Variants in RAD54L2 observed in about 807,000 individuals in gnomAD.
The protein encoded by RAD54L2 is helicase ARIP4.
RAD54L2 carries 27 observed loss-of-function variants against 138.4 expected under a neutral mutation model. The ratio of observed to expected loss-of-function variants is 0.20; its 90% confidence interval spans 0.14 to 0.27. The LOEUF is 0.27. Ranked by LOEUF, RAD54L2 falls within the 10% of genes least tolerant of loss-of-function variation. The pLI is 1.00. For missense variants in RAD54L2, 1,396 were observed against 1,890.2 expected (o/e 0.74, Z 4.85); for synonymous variants, 644 against 723.2 (o/e 0.89, Z 1.76).
chr3:51,589,274 T>C (rs1225849230), intron 2 of RAD54L2, among the ~76,000 whole-genome samples: 4 of 152,196 alleles, frequency 2.6e-5, no homozygotes, highest in African/African-American at 9.7e-5. Flanking sequence ...TATGTGCCTG[T>C]CGTCCTAGCT....
chr3:51,645,207 G>A lies in RAD54L2; in HGVS notation c.2634G>A (p.Gln878=). Residue 878 remains glutamine (Q), a synonymous_variant, in exon 17 of 23, where the codon CAG becomes CAA. Coordinates refer to ENST00000684192, the MANE Select transcript of RAD54L2 (RefSeq NM_015106.4). This position sits in a 1 kb window ranked among gnomAD's most constrained non-coding sequence, Gnocchi z 6.1. ...TAGAAAAGAAGATCTATGACCGTCA[G>A]ATTTCCAAGCAGGGCATGTCAGGTG... ...YTLEKKIYDR[Q]ISKQGMSDRV... 1 of 1,612,968 alleles carries A rather than the reference G, an allele frequency of 6.2e-7. No homozygotes were observed. The highest frequency in any genetic ancestry group is 1.3e-5 in the African/African-American group (1 of 75,036).
intron 3 of RAD54L2, among the ~76,000 whole-genome samples, chr3:51,608,913 G>A (rs987067577): frequency 2.0e-5 from 3 of 152,024 alleles, no homozygotes; most frequent in Non-Finnish European, 2.9e-5. Context: ...ATTTTGAGAC[G>A]GTAGTCTAGC....
At chr3:51,564,318 ATTC>A (rs990212758) in intron 2 of RAD54L2, among the ~76,000 whole-genome samples, 3 of 152,196 alleles carry the variant, frequency 2.0e-5, no homozygotes, top group Non-Finnish European at 4.4e-5. Flanking sequence ...TTTCTTTTCT[ATTC>A]TTCTCTTAAA....
Position 51,588,534 on chromosome 3 carries a change from CAAAAAAAAAA to C in RAD54L2, c.-54-1822_-54-1813del, listed in dbSNP as rs71633079. Among the ~76,000 whole-genome samples, 344 of 49,434 alleles carry C rather than the reference CAAAAAAAAAA, an allele frequency of 7.0e-3. 1 individual carries two copies. The highest frequency in any genetic ancestry group is 0.026 in the Admixed American group (125 of 4,774). The allele number at this position is 49,434 out of a possible 152,430, so 32.4% of individuals were successfully genotyped here. On this transcript the variant is annotated intron_variant, in intron 2 of 22. Transcript: ENST00000684192. ...TGGGTGACAGAGTGAAACTGCATCT[CAAAAAAAAAA>C]AAAAAAAAAAGAAAAGAAAATTTGA...
intron 3 of RAD54L2, among the ~76,000 whole-genome samples, chr3:51,625,028 T>C (rs185138461): frequency 1.1e-3 from 167 of 152,272 alleles, no homozygotes; most frequent in African/African-American, 4.0e-3. Flanking sequence ...CATCAAGACT[T>C]AATGACAGCC....
rs1278393505 is a variant in RAD54L2, at chr3:51,667,769, C to CTAG, written c.*4350_*4352dup. Reference sequence around the variant, plus strand: ...GCTTTTCTGTGCTACTAGCTTAGCCCTAGGCCTTTTATGAATACCTGAGTC... The same window carrying CTAG: ...GCTTTTCTGTGCTACTAGCTTAGCCCTAGTAGGCCTTTTATGAATACCTGAGTC... On this transcript the variant is annotated 3_prime_UTR_variant, in exon 23 of 23. Transcript: ENST00000684192. The CTAG allele has an allele frequency of 5.9e-5, 9 of 152,262 alleles. No individual in the cohort carries two copies. Among genetic ancestry groups the CTAG allele is most frequent in the Admixed American group, 5.9e-4 (9 of 15,288 alleles). The allele number at this position is 152,262 out of a possible 1,614,324, so 9.4% of individuals were successfully genotyped here.
intron 3 of RAD54L2, among the ~76,000 whole-genome samples, chr3:51,598,177 G>GTATATA (rs71084152): frequency 7.8e-4 from 105 of 135,272 alleles, no homozygotes; most frequent in Admixed American, 1.4e-3. Flanking sequence ...GTGTGTGTGT[G>GTATATA]TATATATATA....
At chr3:51,587,739 A>G (rs1243646805) in intron 2 of RAD54L2, among the ~76,000 whole-genome samples, 1 of 152,068 alleles carries the variant, frequency 6.6e-6, no homozygotes, top group East Asian at 1.9e-4. Flanking sequence ...TTTTCTGTTC[A>G]GGAGAAGATA....
At chr3:51,617,103 C>G (rs1700461904) in intron 3 of RAD54L2, among the ~76,000 whole-genome samples, 3 of 152,112 alleles carry the variant, frequency 2.0e-5, no homozygotes, top group African/African-American at 7.2e-5. Context: ...TATGAGTGTA[C>G]TAAAACTTGT....
chr3:51,652,690 A>G (rs1286390871), intron 19 of RAD54L2, among the ~76,000 whole-genome samples: 2 of 152,230 alleles, frequency 1.3e-5, no homozygotes, highest in Non-Finnish European at 1.5e-5. Flanking sequence ...AGGATTCCCT[A>G]TTTAATAAAT....
intron 19 of RAD54L2, among the ~76,000 whole-genome samples, chr3:51,655,536 A>G (rs1171603407): frequency 6.6e-6 from 1 of 152,238 alleles, no homozygotes; most frequent in Non-Finnish European, 1.5e-5. Flanking sequence ...GTGTCGTTAC[A>G]TGGCCCTTTT....
chr3:51,552,874 T>A (rs1698873162), intron 2 of RAD54L2, among the ~76,000 whole-genome samples: 1 of 152,174 alleles, frequency 6.6e-6, no homozygotes, highest in Non-Finnish European at 1.5e-5. Flanking sequence ...ATCAACATTT[T>A]GAATCTTTGT....
At chr3:51,590,745 A>C (rs1427641812) in intron 3 of RAD54L2, among the ~76,000 whole-genome samples, 186 bp downstream of exon 3, 2 of 152,206 alleles carry the variant, frequency 1.3e-5, no homozygotes, top group African/African-American at 4.8e-5. Flanking sequence ...GTTCCTCCAC[A>C]TAAGCTTTGT....
At chr3:51,627,486 G>A (rs1339036235) in intron 3 of RAD54L2, 67 bp from the exon 4 acceptor site, 15 of 1,443,078 alleles carry the variant, frequency 1.0e-5, no homozygotes, top group Non-Finnish European at 1.4e-5. Context: ...GAACCCAGGT[G>A]TGTCTGTCAT....
chr3:51,569,896 G>T (rs1457371771), intron 2 of RAD54L2, among the ~76,000 whole-genome samples: 1 of 152,004 alleles, frequency 6.6e-6, no homozygotes, highest in Non-Finnish European at 1.5e-5. Context: ...GTGCAGTGAT[G>T]TGATCACAAT....
chr3:51,601,450 C>T (rs559230877), intron 3 of RAD54L2, among the ~76,000 whole-genome samples: 37 of 151,726 alleles, frequency 2.4e-4, no homozygotes, highest in Middle Eastern at 3.4e-3. Context: ...TGGGGTTACA[C>T]GCACGTGCCA....
At chr3:51,650,837 AAT>A (rs1165454274) in intron 19 of RAD54L2, among the ~76,000 whole-genome samples, 3 of 152,254 alleles carry the variant, frequency 2.0e-5, no homozygotes, top group Non-Finnish European at 4.4e-5. Flanking sequence ...GAAAGCAGGA[AAT>A]ATCTAAAATC....
chr3:51,593,519 A>G (rs1220453092), intron 3 of RAD54L2, among the ~76,000 whole-genome samples: 3 of 152,044 alleles, frequency 2.0e-5, no homozygotes, highest in African/African-American at 7.2e-5. Flanking sequence ...TTATTAGTAG[A>G]GACGGGGTCT....
intron 3 of RAD54L2, among the ~76,000 whole-genome samples, chr3:51,613,917 G>A (rs1488268502): frequency 1.3e-5 from 2 of 152,162 alleles, no homozygotes; most frequent in African/African-American, 2.4e-5. Context: ...AGATATTTTT[G>A]GTTGTTACGA....
Sources: allele counts gnomAD v4.1 joint callset (sites outside exome capture counted in the v4.1 genomes callset), GRCh38; gene constraint gnomAD v4.1.1; non-coding constraint Gnocchi (gnomAD v3.1); transcripts MANE v1.5; gene names NCBI Gene and HGNC (gene_info 2026-07-23, HGNC 2026-07-21).